PTPRM: variants seen among roughly 807,000 people sequenced by gnomAD.
PTPRM encodes receptor-type tyrosine-protein phosphatase mu.
Under a neutral mutation model 186.7 loss-of-function variants are expected in PTPRM, and 47 were observed. That is an observed-to-expected ratio of 0.25 (90% confidence interval 0.20 to 0.32). PTPRM has a LOEUF of 0.32. Among genes scored for constraint, PTPRM ranks in the 10% least tolerant of loss-of-function variants. The probability of loss-of-function intolerance (pLI) is 1.00; values close to 1 mark genes in which losing one functional copy is unlikely to be tolerated. For missense variants in PTPRM, 1,494 were observed against 1,865.0 expected (o/e 0.80, Z 3.66); for synonymous variants, 668 against 674.9 (o/e 0.99, Z 0.16).
intron 14 of PTPRM, among the ~76,000 whole-genome samples, chr18:8,233,030 C>T (rs531545785): frequency 4.6e-5 from 7 of 152,248 alleles, no homozygotes; most frequent in South Asian, 2.1e-4. Flanking sequence ...CAAGGAGTCC[C>T]GCACCAGGAA....
chr18:7,745,111 C>G (rs2040957954), intron 1 of PTPRM, among the ~76,000 whole-genome samples: 1 of 151,910 alleles, frequency 6.6e-6, no homozygotes, highest in Admixed American at 6.5e-5. Flanking sequence ...TCCATCTTCT[C>G]TGCTGTATAA....
At chr18:8,253,451 T>G in intron 19 of PTPRM, 37 bp downstream of exon 19, 1 of 1,381,050 alleles carries the variant, frequency 7.2e-7, no homozygotes, top group Non-Finnish European at 9.5e-7. Context: ...TTCCCATTCC[T>G]TCTTGGATTC....
intron 1 of PTPRM, among the ~76,000 whole-genome samples, chr18:7,683,588 C>A (rs1467745630): frequency 6.6e-6 from 1 of 152,120 alleles, no homozygotes; most frequent in Non-Finnish European, 1.5e-5. Context: ...AATGACTTCC[C>A]AAAGTCACTC....
chr18:7,704,209 C>G (rs1392165508), intron 1 of PTPRM, among the ~76,000 whole-genome samples: 1 of 152,126 alleles, frequency 6.6e-6, no homozygotes, highest in East Asian at 1.9e-4. Flanking sequence ...GGAGGATTTC[C>G]TCTTTTTCTT....
chr18:7,570,130 AAAAAGTG>A (rs2036532684), intron 1 of PTPRM, among the ~76,000 whole-genome samples: 1 of 152,208 alleles, frequency 6.6e-6, no homozygotes, highest in Non-Finnish European at 1.5e-5. Flanking sequence ...CGTCTCAAAA[AAAAAGTG>A]AAAAGTGAAG....
chr18:8,080,910 C>T (rs985539042), intron 9 of PTPRM, among the ~76,000 whole-genome samples: 4 of 152,148 alleles, frequency 2.6e-5, no homozygotes, highest in African/African-American at 9.6e-5. Context: ...TCGCTCTCCT[C>T]CTATAGCAGC....
At chr18:7,755,232 C>G (rs2041419931) in intron 1 of PTPRM, 1 of 149,848 alleles carries the variant, frequency 6.7e-6, no homozygotes, top group East Asian at 1.9e-4. Context: ...CAGAGACTGC[C>G]TGAAAAAAAA....
chr18:8,181,877 TA>T, intron 14 of PTPRM, among the ~76,000 whole-genome samples: 1 of 152,222 alleles, frequency 6.6e-6, no homozygotes, highest in South Asian at 2.1e-4. Context: ...AAAAATACCT[TA>T]AAAAAGAAAA....
At chr18:8,012,702 C>T (rs1441506675) in intron 7 of PTPRM, among the ~76,000 whole-genome samples, 1 of 152,124 alleles carries the variant, frequency 6.6e-6, no homozygotes, top group East Asian at 1.9e-4. Flanking sequence ...GGTGTACCAT[C>T]TCATTTGAGA....
chr18:7,755,320 A>G (rs184644298), intron 1 of PTPRM: 1 of 152,088 alleles, frequency 6.6e-6, no homozygotes, highest in Admixed American at 6.5e-5. Flanking sequence ...TTTTATTTTG[A>G]AGTTTCCTTC....
intron 2 of PTPRM, among the ~76,000 whole-genome samples, chr18:7,785,939 T>C (rs1598706909): frequency 6.6e-6 from 1 of 152,230 alleles, no homozygotes; most frequent in Non-Finnish European, 1.5e-5. Context: ...GTTAACTTTG[T>C]TGGAAAATGC....
At chr18:7,570,880 G>A (rs916055448) in intron 1 of PTPRM, among the ~76,000 whole-genome samples, 2 of 151,788 alleles carry the variant, frequency 1.3e-5, no homozygotes, top group African/African-American at 4.8e-5. Context: ...AAAAGTATTA[G>A]GATTTGGGCC....
At chr18:7,981,132 C>T (rs1179836507) in intron 7 of PTPRM, among the ~76,000 whole-genome samples, 2 of 152,136 alleles carry the variant, frequency 1.3e-5, no homozygotes, top group African/African-American at 4.8e-5. Flanking sequence ...CCTCCTCTCC[C>T]GCTGGTTTTC....
chr18:7,919,879 TG>T (rs2050763472), intron 4 of PTPRM, among the ~76,000 whole-genome samples: 1 of 152,180 alleles, frequency 6.6e-6, no homozygotes. Context: ...GCTCTGGTGT[TG>T]GGTGTATAAT....
intron 14 of PTPRM, among the ~76,000 whole-genome samples, chr18:8,146,391 T>G (rs1450635756): frequency 6.6e-6 from 1 of 152,222 alleles, no homozygotes; most frequent in African/African-American, 2.4e-5. Flanking sequence ...CATTTGCATT[T>G]CTCTAACGAC....
intron 24 of PTPRM, among the ~76,000 whole-genome samples, chr18:8,371,399 G>A (rs1283310728): frequency 6.6e-6 from 1 of 152,166 alleles, no homozygotes; most frequent in Non-Finnish European, 1.5e-5. Flanking sequence ...CCAGTAGGGA[G>A]TTAGTATCAG....
chr18:8,304,752 CCTG>C (rs143957807), intron 20 of PTPRM, among the ~76,000 whole-genome samples: 17,000 of 151,820 alleles, frequency 0.11, 1,778 homozygotes, highest in African/African-American at 0.25. Flanking sequence ...AGATTCAAAC[CCTG>C]CTAACATTTT....
chr18:7,915,504 T>C (rs948714258), intron 4 of PTPRM, among the ~76,000 whole-genome samples: 1 of 152,204 alleles, frequency 6.6e-6, no homozygotes, highest in African/African-American at 2.4e-5. Flanking sequence ...AGAGCTCTTT[T>C]TCTTGGGCTC....
At chr18:8,156,126 C>T (rs2093116259) in intron 14 of PTPRM, among the ~76,000 whole-genome samples, 1 of 152,084 alleles carries the variant, frequency 6.6e-6, no homozygotes, top group Non-Finnish European at 1.5e-5. Flanking sequence ...GGTTGAGGTA[C>T]AAGGGTAAGT....
Sources: gnomAD v4.1 joint callset for allele counts (sites outside exome capture counted in the v4.1 genomes callset) on GRCh38, gnomAD v4.1.1 for gene constraint, MANE v1.5 for transcripts, NCBI Gene and HGNC (gene_info 2026-07-23, HGNC 2026-07-21) for gene names.